SCARA5: variants seen among roughly 807,000 people sequenced by gnomAD.
SCARA5 encodes scavenger receptor class A member 5.
In SCARA5, 45 loss-of-function variants were observed where a neutral mutation model predicts 46.3. The ratio of observed to expected loss-of-function variants is 0.97; its 90% confidence interval spans 0.76 to 1.24. The LOEUF is 1.24. Ranked by LOEUF, SCARA5 falls within the 50% of genes most tolerant of loss-of-function variation. The pLI, the probability that SCARA5 is intolerant of heterozygous loss-of-function variation, is 0.00. For missense variants in SCARA5, 680 were observed against 689.0 expected, an observed-to-expected ratio of 0.99 and a Z score of 0.15; for synonymous variants, 333 against 306.5, an observed-to-expected ratio of 1.09 and a Z score of -0.90.
At chr8:27,980,473 C>T (rs1157252559) in intron 2 of SCARA5, among the ~76,000 whole-genome samples, 1 of 152,166 alleles carries the variant, frequency 6.6e-6, no homozygotes, top group East Asian at 1.9e-4. Context: ...CTCCTCACTG[C>T]CCCCATCCCT....
At chr8:27,977,477 G>A (rs992504123) in intron 2 of SCARA5, among the ~76,000 whole-genome samples, 6 of 152,152 alleles carry the variant, frequency 3.9e-5, no homozygotes, top group East Asian at 1.9e-4. Context: ...TGCTGTAGGC[G>A]TTTCTTCTAC....
chr8:27,950,012 G>A (rs1323829956), intron 3 of SCARA5, among the ~76,000 whole-genome samples: 1 of 152,214 alleles, frequency 6.6e-6, no homozygotes, highest in African/African-American at 2.4e-5. Context: ...AGAGACCTAG[G>A]GAGGCTCAGT....
intron 3 of SCARA5, among the ~76,000 whole-genome samples, chr8:27,929,795 G>A (rs1807740642): frequency 6.6e-6 from 1 of 152,134 alleles, no homozygotes; most frequent in African/African-American, 2.4e-5. Context: ...TCTCTTATTA[G>A]AAGTTGCTTC....
At chr8:27,955,495 G>C (rs1808193768) in intron 3 of SCARA5, among the ~76,000 whole-genome samples, 1 of 152,222 alleles carries the variant, frequency 6.6e-6, no homozygotes, top group Non-Finnish European at 1.5e-5. Context: ...TGGGATTCCT[G>C]TCTCTGAGCT....
intron 4 of SCARA5, among the ~76,000 whole-genome samples, chr8:27,913,537 T>G (rs1275667555): frequency 6.6e-6 from 1 of 152,242 alleles, no homozygotes; most frequent in African/African-American, 2.4e-5. Flanking sequence ...TCCAGCTACA[T>G]GCATCTGTGA....
intron 8 of SCARA5, among the ~76,000 whole-genome samples, chr8:27,878,856 A>G (rs1341180688): frequency 6.6e-6 from 1 of 152,222 alleles, no homozygotes; most frequent in Non-Finnish European, 1.5e-5. Flanking sequence ...TGGGAGGCCA[A>G]GGTGGGTGGA....
At chr8:27,974,641 G>C (rs976420759) in intron 2 of SCARA5, among the ~76,000 whole-genome samples, 6 of 152,112 alleles carry the variant, frequency 3.9e-5, no homozygotes, top group African/African-American at 1.2e-4. Context: ...ACCCAAGTCT[G>C]ACTTCACAAT....
At chr8:27,991,659 A>G (rs1808787491) in intron 1 of SCARA5, among the ~76,000 whole-genome samples, 1 of 152,142 alleles carries the variant, frequency 6.6e-6, no homozygotes, top group Non-Finnish European at 1.5e-5. Flanking sequence ...AAAACCAAGG[A>G]AAAAAATCAC....
At chr8:27,904,863 A>G in intron 6 of SCARA5, 29 bp from the exon 7 acceptor site, 1 of 1,531,358 alleles carries the variant, frequency 6.5e-7, no homozygotes, top group Middle Eastern at 1.7e-4. Flanking sequence ...CTGGCATTAG[A>G]AATGGAAAGA....
At chr8:27,942,477 T>C (rs1008477118) in intron 3 of SCARA5, among the ~76,000 whole-genome samples, 1 of 152,182 alleles carries the variant, frequency 6.6e-6, no homozygotes, top group Non-Finnish European at 1.5e-5. Flanking sequence ...AACTGGCAGG[T>C]TGATCCCAGC....
chr8:27,942,962 G>A (rs1016457748), intron 3 of SCARA5, among the ~76,000 whole-genome samples: 1 of 152,176 alleles, frequency 6.6e-6, no homozygotes, highest in Non-Finnish European at 1.5e-5. Context: ...CAAACACACT[G>A]CTTCTTCTCA....
intron 3 of SCARA5, among the ~76,000 whole-genome samples, chr8:27,927,123 C>T (rs1324075856): frequency 2.0e-5 from 3 of 152,186 alleles, no homozygotes; most frequent in African/African-American, 7.2e-5. Flanking sequence ...TCTTCCTTAC[C>T]TCTGTCTTCC....
chr8:27,907,315 CG>C, intron 5 of SCARA5, 69 bp from the exon 6 acceptor site: 1 of 1,174,288 alleles, frequency 8.5e-7, no homozygotes, highest in Non-Finnish European at 1.2e-6. Context: ...AGGTCATCGT[CG>C]GGTTCAAGGC....
intron 2 of SCARA5, among the ~76,000 whole-genome samples, chr8:27,977,999 T>TTTCAGTTAG (rs1478675626): frequency 6.6e-6 from 1 of 151,942 alleles, no homozygotes; most frequent in Non-Finnish European, 1.5e-5. Flanking sequence ...CACTAGTGTA[T>TTTCAGTTAG]TTCAGTTAGT....
rs531019973 is a variant in SCARA5 at position 27,888,376 on chromosome 8, C to T, written c.1154-8610G>A. 5.9e-5 allele frequency among the ~76,000 whole-genome samples: 9 copies of T among 152,316 alleles called. No individual in the cohort carries two copies. In the South Asian group the frequency reaches 1.9e-3, roughly 32 times the overall value. ...AACCCAAGTTTTTAGACAAAGTTTC[C>T]CTTCCTTAACCAATTGCAAATCAGA... is the stretch of plus-strand genomic sequence containing the variant. On this transcript the variant is annotated intron_variant, in intron 7 of 8. Transcript: ENST00000354914.
chr8:27,970,720 G>T (rs1353502645), intron 2 of SCARA5, among the ~76,000 whole-genome samples: 1 of 152,110 alleles, frequency 6.6e-6, no homozygotes, highest in Non-Finnish European at 1.5e-5. Context: ...CCTGGGCAAA[G>T]CCAAGAACCC....
intron 2 of SCARA5, among the ~76,000 whole-genome samples, chr8:27,970,290 G>A (rs1474726640): frequency 6.6e-6 from 1 of 152,138 alleles, no homozygotes; most frequent in Non-Finnish European, 1.5e-5. Context: ...TACTGCAACC[G>A]AGGTAGGAGA....
Position 27,956,043 on chromosome 8 carries a change from T to G in SCARA5, c.241+10371A>C, listed in dbSNP as rs1293565756. Among the ~76,000 whole-genome samples the G allele has an allele frequency of 2.0e-5, 3 of 152,250 alleles. No individual in the cohort carries two copies. In the East Asian group the frequency reaches 5.8e-4, roughly 29 times the overall value. On this transcript the variant is annotated intron_variant, in intron 3 of 8. Transcript: ENST00000354914. ...CACATTGGATTTGAGATGATGTTTG[T>G]TAAATAACCAAGTGGGGAGGCCACG... is the stretch of plus-strand genomic sequence containing the variant.
chr8:27,911,914 C>T (rs1029612610), intron 4 of SCARA5, among the ~76,000 whole-genome samples: 11 of 152,140 alleles, frequency 7.2e-5, no homozygotes, highest in African/African-American at 2.7e-4. Flanking sequence ...AACAGAGACA[C>T]AGAGATATGA....
Sources: allele counts gnomAD v4.1 joint callset (sites outside exome capture counted in the v4.1 genomes callset), GRCh38; gene constraint gnomAD v4.1.1; transcripts MANE v1.5; gene names NCBI Gene and HGNC (gene_info 2026-07-23, HGNC 2026-07-21).